Variants in PFKFB1 observed in about 807,000 individuals in gnomAD.
The protein encoded by PFKFB1 is 6-phosphofructo-2-kinase/fructose-2,6-biphosphatase 1.
PFKFB1 carries 34 observed loss-of-function variants against 46.4 expected under a neutral mutation model. That is an observed-to-expected ratio of 0.73 (90% CI 0.56 to 0.98). PFKFB1 has a LOEUF of 0.98. Ranked by LOEUF, PFKFB1 falls within the 50% of genes least tolerant of loss-of-function variation. The pLI is 0.00. For synonymous variants in PFKFB1, 119 were observed against 133.8 expected (o/e 0.89, Z 0.76); for missense variants, 393 against 376.3 (o/e 1.04, Z -0.37).
chrX:54,948,527 T>C (rs1453760364), intron 9 of PFKFB1, among the ~76,000 whole-genome samples: 2 of 112,297 alleles, frequency 1.8e-5, no homozygotes, highest in Non-Finnish European at 3.8e-5. Context: ...CCTGGCTTCC[T>C]TTCTAGCCTC....
intron 7 of PFKFB1, among the ~76,000 whole-genome samples, chrX:54,953,390 A>T: frequency 8.9e-6 from 1 of 112,168 alleles, no homozygotes; most frequent in East Asian, 2.8e-4. Flanking sequence ...AATGGCTTCC[A>T]CAGGGCACTT....
intron 1 of PFKFB1, among the ~76,000 whole-genome samples, chrX:54,992,278 GAAC>G (rs1183769566): frequency 2.7e-5 from 3 of 111,827 alleles, no homozygotes; most frequent in Non-Finnish European, 5.6e-5. Context: ...TATATAACAA[GAAC>G]AATAATAATT....
chrX:54,950,559 G>A (rs1458682037), intron 8 of PFKFB1, among the ~76,000 whole-genome samples: 3 of 112,178 alleles, frequency 2.7e-5, no homozygotes, highest in Middle Eastern at 4.7e-3. Flanking sequence ...ACACACACAG[G>A]TTTGTGTGCA....
At position 54,938,261 on chromosome X, in the gene PFKFB1, C is replaced by G. The variant is rs942960917; in HGVS notation, c.1099-537G>C. Among the ~76,000 whole-genome samples the G allele has an allele frequency of 2.7e-5, 3 of 111,921 alleles. No individual in the cohort carries two copies. In the Admixed American group the frequency reaches 2.9e-4, roughly 11 times the overall value. On this transcript the variant is annotated intron_variant, in intron 10 of 13. Transcript: ENST00000375006. Reference sequence around the variant, plus strand: ...AATCTGAGATGCTCAAAGGCCAAATCTTTACGCTCTAAGTGCAAACTAGAA... The same window carrying G: ...AATCTGAGATGCTCAAAGGCCAAATGTTTACGCTCTAAGTGCAAACTAGAA...
At chrX:54,957,619 T>C (rs1190418780) in intron 6 of PFKFB1, among the ~76,000 whole-genome samples, 1 of 111,174 alleles carries the variant, frequency 9.0e-6, no homozygotes, top group Non-Finnish European at 1.9e-5. Context: ...TTAATAAAAA[T>C]TACAGGGAGG....
intron 1 of PFKFB1, among the ~76,000 whole-genome samples, chrX:54,979,489 T>C (rs1259590742): frequency 9.0e-6 from 1 of 111,418 alleles, no homozygotes; most frequent in African/African-American, 3.3e-5. Flanking sequence ...TCCTTCCAAA[T>C]ACAAAACACC....
Position 54,949,126 on chromosome X carries a change from C to T in PFKFB1, c.942G>A (p.Glu314=). The change falls in exon 9 of 14, where the codon GAG becomes GAA. Residue 314 remains glutamate (E), a synonymous_variant. Transcript: ENST00000375006. ...ACTGCTCATAGGGGACACCCAGGGC[C>T]TCAGCTGTCTGGATGGTCCTCTTCA... ...SHMKRTIQTA[E]ALGVPYEQWK... 8 of 1,210,839 alleles carry T rather than the reference C, an allele frequency of 6.6e-6. No homozygotes were observed. Among genetic ancestry groups the T allele is most frequent in the Non-Finnish European group, 8.9e-6 (8 of 894,920 alleles).
At chrX:54,981,032 G>A (rs765582974) in intron 1 of PFKFB1, among the ~76,000 whole-genome samples, 2 of 111,104 alleles carry the variant, frequency 1.8e-5, no homozygotes, top group Non-Finnish European at 3.8e-5. Context: ...AAATTAAACA[G>A]AGGTGATGAG....
Position 54,949,038 on chromosome X carries a change from A to T in PFKFB1, c.993+37T>A, listed in dbSNP as rs374410942. Reference sequence around the variant, plus strand: ...CAGGGGATAATCCCAGACTCAAGTCACCCCCACACACAGGAGATTCACCCC... The same window carrying T: ...CAGGGGATAATCCCAGACTCAAGTCTCCCCCACACACAGGAGATTCACCCC... On this transcript the variant is annotated intron_variant, in intron 9 of 13. Transcript: ENST00000375006. 7.5e-5 allele frequency: 89 copies of T among 1,192,077 alleles called. No homozygotes were observed. The African/African-American group carries it at 1.4e-3, about 18-fold the overall frequency.
At chrX:54,954,644 C>G (rs1461065165) in intron 7 of PFKFB1, among the ~76,000 whole-genome samples, 1 of 112,241 alleles carries the variant, frequency 8.9e-6, no homozygotes, top group Non-Finnish European at 1.9e-5. Context: ...GACCTTCTTC[C>G]TCTAAGCTGG....
intron 1 of PFKFB1, among the ~76,000 whole-genome samples, chrX:54,991,539 C>CTG (rs59214352): frequency 0.075 from 4,634 of 61,801 alleles, 99 homozygotes; most frequent in South Asian, 0.13. Flanking sequence ...CTCTCTCTCT[C>CTG]TGTGTGTGTG....
intron 1 of PFKFB1, among the ~76,000 whole-genome samples, chrX:54,991,526 CCTCT>C (rs369435691): frequency 1.7e-3 from 168 of 97,920 alleles, no homozygotes; most frequent in South Asian, 5.2e-3. Flanking sequence ...TCTCTCTCTC[CCTCT>C]CTCTCTCTCT....
chrX:54,963,024 C>G (rs866804441), intron 2 of PFKFB1, among the ~76,000 whole-genome samples: 9 of 112,343 alleles, frequency 8.0e-5, no homozygotes, highest in South Asian at 3.7e-4. Flanking sequence ...GACATTTAAT[C>G]TTAATACTAG....
chrX:54,946,309 G>A (rs755023889), intron 9 of PFKFB1, among the ~76,000 whole-genome samples: 5 of 111,736 alleles, frequency 4.5e-5, no homozygotes, highest in Middle Eastern at 4.6e-3. Flanking sequence ...CTCAAAAAAG[G>A]AATTGAGTAC....
intron 2 of PFKFB1, 147 bp downstream of exon 2, chrX:54,963,110 G>A: frequency 1.9e-6 from 1 of 527,955 alleles, no homozygotes; most frequent in Non-Finnish European, 3.2e-6. Flanking sequence ...GTATAAGAAT[G>A]TAGTAATAGT....
At chrX:54,966,713 C>T (rs933509095) in intron 1 of PFKFB1, among the ~76,000 whole-genome samples, 4 of 111,005 alleles carry the variant, frequency 3.6e-5, no homozygotes, top group African/African-American at 9.8e-5. Context: ...CTCTCCCTCT[C>T]GTTCTCACTC....
At chrX:54,979,333 T>C (rs1464735423) in intron 1 of PFKFB1, among the ~76,000 whole-genome samples, 2 of 111,504 alleles carry the variant, frequency 1.8e-5, no homozygotes, top group Non-Finnish European at 3.8e-5. Context: ...AAGGATCTTA[T>C]GACAGCTGGT....
At position 54,945,717 on chromosome X, in the gene PFKFB1, TGTGC is replaced by T. The variant is rs1189948113; in HGVS notation, c.994-178_994-175del. Among the ~76,000 whole-genome samples the T allele has an allele frequency of 1.3e-3, 137 of 105,772 alleles. No homozygotes were observed. In the East Asian group the frequency reaches 0.015, roughly 12 times the overall value. The allele number at this position is 105,772 out of a possible 115,157, so 91.9% of individuals were successfully genotyped here. On this transcript the variant is annotated intron_variant, in intron 9 of 13. Transcript: ENST00000375006. ...GTGTGTATGCGTGTGTGTGTGTGTG[TGTGC>T]GTGTGTGTGTGTGTGTGTGTGTGAG... is the stretch of plus-strand genomic sequence containing the variant.
chrX:54,998,438 A>G, upstream of PFKFB1: 1 of 1,151,275 alleles, frequency 8.7e-7, no homozygotes, highest in Non-Finnish European at 1.2e-6. Flanking sequence ...TTCCATCGCT[A>G]ATTATCCAAC....
Sources: allele counts gnomAD v4.1 joint callset (sites outside exome capture counted in the v4.1 genomes callset), GRCh38; gene constraint gnomAD v4.1.1; transcripts MANE v1.5; gene names NCBI Gene and HGNC (gene_info 2026-07-23, HGNC 2026-07-21).